The following KCNB2 variants were observed in gnomAD, a reference collection of about 807,000 sequenced individuals.
KCNB2 encodes delayed rectifier potassium channel protein.
Under a neutral mutation model 61.5 loss-of-function variants are expected in KCNB2, and 15 were observed. The ratio of observed to expected loss-of-function variants is 0.24; its 90% CI spans 0.16 to 0.38. KCNB2 has a LOEUF of 0.38. KCNB2 is among the 10% of genes least tolerant of loss of function. The pLI is 1.00. For synonymous variants in KCNB2, 457 were observed against 446.0 expected, an observed-to-expected ratio of 1.02 and a Z score of -0.31; for missense variants, 828 against 1,125.2, an observed-to-expected ratio of 0.74 and a Z score of 3.78.
chr8:72,620,650 C>A (rs1364288686), intron 2 of KCNB2, among the ~76,000 whole-genome samples: 1 of 152,040 alleles, frequency 6.6e-6, no homozygotes, highest in Non-Finnish European at 1.5e-5. Context: ...CTCTTGTTGC[C>A]CAGGCTGGAG....
At chr8:72,769,260 G>A (rs1029918125) in intron 2 of KCNB2, among the ~76,000 whole-genome samples, 12 of 151,928 alleles carry the variant, frequency 7.9e-5, no homozygotes, top group African/African-American at 2.2e-4. Flanking sequence ...AGATAAGGTG[G>A]ATATGTATGC....
chr8:72,562,191 C>T (rs972278501), intron 1 of KCNB2, among the ~76,000 whole-genome samples: 1 of 152,064 alleles, frequency 6.6e-6, no homozygotes, highest in Non-Finnish European at 1.5e-5. Flanking sequence ...TTCACAGGAT[C>T]GCACATGTGA....
Position 72,567,715 on chromosome 8 carries a change from G to C in KCNB2, c.-20G>C, listed in dbSNP as rs1806645144. The C allele has an allele frequency of 2.0e-6, 3 of 1,502,802 alleles. No individual in the cohort carries two copies. Among genetic ancestry groups the C allele is most frequent in the Non-Finnish European group, 2.7e-6 (3 of 1,123,828 alleles). 93.1% of individuals were successfully genotyped at this position (1,502,802 alleles called of 1,614,324 possible). ...CTCATTTTTTAAGGACCCTGGCTCT[G>C]CGGCTTTGTCCAGTTCAAAATGGCA... On this transcript the variant is annotated 5_prime_UTR_variant, in exon 2 of 3. Transcript: ENST00000523207.
At chr8:72,810,326 A>G (rs2129000398) in intron 2 of KCNB2, among the ~76,000 whole-genome samples, 1 of 152,336 alleles carries the variant, frequency 6.6e-6, no homozygotes, top group South Asian at 2.1e-4. Context: ...TATAAATAAT[A>G]AGAGGCAGAA....
intron 2 of KCNB2, among the ~76,000 whole-genome samples, chr8:72,730,032 T>C (rs982373293): frequency 3.3e-5 from 5 of 152,212 alleles, no homozygotes; most frequent in African/African-American, 1.2e-4. Flanking sequence ...CTGATAATTC[T>C]GTGGTGCTGT....
intron 2 of KCNB2, among the ~76,000 whole-genome samples, chr8:72,618,231 C>T (rs1179787605): frequency 2.0e-5 from 3 of 152,064 alleles, no homozygotes; most frequent in Non-Finnish European, 4.4e-5. Context: ...ATTCAGGTTT[C>T]TGTAGGAACT....
At chr8:72,740,494 A>G (rs1807933026) in intron 2 of KCNB2, among the ~76,000 whole-genome samples, 1 of 152,184 alleles carries the variant, frequency 6.6e-6, no homozygotes. Flanking sequence ...AAGCCATAGT[A>G]GTCATTCATA....
At chr8:72,565,647 C>CACACACACACACACACA (rs1563524627) in intron 1 of KCNB2, among the ~76,000 whole-genome samples, 3 of 150,790 alleles carry the variant, frequency 2.0e-5, no homozygotes, top group South Asian at 4.2e-4. Context: ...AAGCAGAATA[C>CACACACACACACACACA]ACACACACAC....
chr8:72,675,191 A>G (rs1302911696), intron 2 of KCNB2, among the ~76,000 whole-genome samples: 2 of 152,236 alleles, frequency 1.3e-5, no homozygotes, highest in African/African-American at 4.8e-5. Context: ...AAAAAAACTT[A>G]ATAAAAAGTG....
chr8:72,807,198 A>G (rs955993017), intron 2 of KCNB2, among the ~76,000 whole-genome samples: 3 of 152,232 alleles, frequency 2.0e-5, no homozygotes, highest in Admixed American at 6.5e-5. Flanking sequence ...TGGAAGCTGC[A>G]GAGATATGGT....
At chr8:72,633,534 G>T (rs879585595) in intron 2 of KCNB2, among the ~76,000 whole-genome samples, 1 of 152,064 alleles carries the variant, frequency 6.6e-6, no homozygotes, top group South Asian at 2.1e-4. Flanking sequence ...TGCCTGGCAC[G>T]CCTTCTCTGG....
intron 2 of KCNB2, among the ~76,000 whole-genome samples, chr8:72,793,815 A>G (rs1294588966): frequency 1.3e-5 from 2 of 152,232 alleles, no homozygotes; most frequent in Admixed American, 6.5e-5. Flanking sequence ...ATGTGCCACA[A>G]AAAGGGCCAA....
intron 2 of KCNB2, among the ~76,000 whole-genome samples, chr8:72,777,531 G>A (rs1299840870): frequency 1.3e-5 from 2 of 152,050 alleles, no homozygotes; most frequent in Non-Finnish European, 2.9e-5. Flanking sequence ...TCCAGTTCTT[G>A]GTTTATAAAC....
intron 2 of KCNB2, among the ~76,000 whole-genome samples, chr8:72,705,597 C>G (rs886898204): frequency 2.0e-5 from 3 of 152,174 alleles, no homozygotes; most frequent in Non-Finnish European, 4.4e-5. Context: ...TTTTTCCAAC[C>G]TGCTGTAAGT....
At chr8:72,590,054 C>A (rs1039606588) in intron 2 of KCNB2, among the ~76,000 whole-genome samples, 2 of 152,166 alleles carry the variant, frequency 1.3e-5, no homozygotes, top group Non-Finnish European at 2.9e-5. Flanking sequence ...AGAGGCCACA[C>A]AAAATGATGC....
At chr8:72,794,338 G>T (rs1808992288) in intron 2 of KCNB2, among the ~76,000 whole-genome samples, 1 of 152,046 alleles carries the variant, frequency 6.6e-6, no homozygotes, top group Admixed American at 6.6e-5. Flanking sequence ...AGGCTGAGGT[G>T]GGTGGATCAC....
chr8:72,933,148 G>C (rs188420052), intron 2 of KCNB2, among the ~76,000 whole-genome samples: 1 of 152,188 alleles, frequency 6.6e-6, no homozygotes. Context: ...CTTCAAGAAT[G>C]TGTCCTAAAT....
chr8:72,924,084 C>T (rs769099672), intron 2 of KCNB2, among the ~76,000 whole-genome samples: 5 of 152,270 alleles, frequency 3.3e-5, no homozygotes, highest in South Asian at 2.1e-4. Context: ...TCAAGTCATC[C>T]GACTCAAAAT....
At chr8:72,595,032 T>G (rs1807165816) in intron 2 of KCNB2, among the ~76,000 whole-genome samples, 1 of 152,146 alleles carries the variant, frequency 6.6e-6, no homozygotes, top group African/African-American at 2.4e-5. Context: ...CTTCATAGTT[T>G]GAAAGTTCCT....
Sources: allele counts gnomAD v4.1 joint callset (sites outside exome capture counted in the v4.1 genomes callset), GRCh38; gene constraint gnomAD v4.1.1; transcripts MANE v1.5; gene names NCBI Gene and HGNC (gene_info 2026-07-23, HGNC 2026-07-21).